The following DCLK1 variants were observed in gnomAD, a reference collection of about 807,000 sequenced individuals.
DCLK1 encodes doublecortin like kinase 1, also known as serine/threonine-protein kinase DCLK1.
A neutral mutation model predicts 86.2 loss-of-function variants in DCLK1; 16 were observed. The ratio of observed to expected loss-of-function variants is 0.19; its 90% CI spans 0.13 to 0.28. The LOEUF (loss-of-function observed/expected upper bound fraction) is 0.28, where lower values mean the gene tolerates loss of function less well. Ranked by LOEUF, DCLK1 falls within the 10% of genes least tolerant of loss-of-function variation. The pLI is 1.00. For synonymous variants in DCLK1, 369 were observed against 370.5 expected (o/e 1.00, Z 0.05); for missense variants, 590 against 940.2 (o/e 0.63, Z 4.87).
intron 3 of DCLK1, among the ~76,000 whole-genome samples, chr13:35,993,720 A>T (rs1336870871): frequency 6.6e-6 from 1 of 151,970 alleles, no homozygotes; most frequent in African/African-American, 2.4e-5. Flanking sequence ...ATTAGTTAAC[A>T]TTTTTTTGAT....
chr13:36,030,282 C>T (rs1160888723), intron 3 of DCLK1, among the ~76,000 whole-genome samples: 2 of 151,944 alleles, frequency 1.3e-5, no homozygotes, highest in Admixed American at 1.3e-4. Context: ...TGGTCTTTTG[C>T]TTTGTTTCTG....
intron 3 of DCLK1, among the ~76,000 whole-genome samples, chr13:36,009,032 G>C (rs377559255): frequency 0.025 from 2,550 of 102,826 alleles, 29 homozygotes; most frequent in South Asian, 0.049. Context: ...CTTTTGAGAA[G>C]TGTCTGTTCA....
At chr13:36,073,982 G>A (rs1329697243) in intron 3 of DCLK1, among the ~76,000 whole-genome samples, 1 of 152,018 alleles carries the variant, frequency 6.6e-6, no homozygotes, top group Non-Finnish European at 1.5e-5. Flanking sequence ...AGAAAATGTG[G>A]GTTACAGTTC....
intron 3 of DCLK1, among the ~76,000 whole-genome samples, chr13:36,092,016 A>G (rs568162569): frequency 1.2e-4 from 18 of 152,298 alleles, no homozygotes; most frequent in Middle Eastern, 6.8e-3. Context: ...CTACTTGCCA[A>G]TACCTTATAG....
chr13:35,972,442 A>G (rs1317631548), intron 3 of DCLK1, among the ~76,000 whole-genome samples: 1 of 152,048 alleles, frequency 6.6e-6, no homozygotes, highest in African/African-American at 2.4e-5. Context: ...GAAGCTCACT[A>G]CCTCAGAGCT....
intron 2 of DCLK1, among the ~76,000 whole-genome samples, chr13:36,116,879 C>T (rs995744129): frequency 6.6e-6 from 1 of 152,116 alleles, no homozygotes; most frequent in African/African-American, 2.4e-5. Flanking sequence ...AATAGAATAT[C>T]GTAAAGTACC....
chr13:35,914,368 T>C (rs1222349960), intron 4 of DCLK1, among the ~76,000 whole-genome samples: 1 of 16,700 alleles, frequency 6.0e-5, no homozygotes, highest in Admixed American at 6.7e-4. Flanking sequence ...TATATATATA[T>C]GTATATATAT....
chr13:35,987,097 G>A (rs1171339657), intron 3 of DCLK1, among the ~76,000 whole-genome samples: 2 of 152,150 alleles, frequency 1.3e-5, no homozygotes, highest in Non-Finnish European at 2.9e-5. Flanking sequence ...GAAAGGGGTG[G>A]ACAATAGAGA....
At chr13:35,802,125 C>A (rs2086932821) in intron 15 of DCLK1, among the ~76,000 whole-genome samples, 2 of 152,068 alleles carry the variant, frequency 1.3e-5, no homozygotes, top group Non-Finnish European at 2.9e-5. Context: ...GGCTGGCACA[C>A]AGTGTCTCTC....
intron 3 of DCLK1, among the ~76,000 whole-genome samples, chr13:35,954,197 G>A (rs1254051349): frequency 1.3e-5 from 2 of 151,766 alleles, no homozygotes; most frequent in Admixed American, 1.3e-4. Flanking sequence ...TACCAAAAAG[G>A]AATGCTTACA....
intron 3 of DCLK1, among the ~76,000 whole-genome samples, chr13:36,028,956 C>A (rs1391310469): frequency 6.6e-6 from 1 of 152,174 alleles, no homozygotes; most frequent in Non-Finnish European, 1.5e-5. Flanking sequence ...ACCCCTTTCC[C>A]AGAAAATTCA....
At chr13:35,879,422 A>G (rs1453737847) in intron 4 of DCLK1, among the ~76,000 whole-genome samples, 3 of 152,210 alleles carry the variant, frequency 2.0e-5, no homozygotes, top group Admixed American at 1.3e-4. Context: ...ACATCTCAAG[A>G]GTCACAGCTC....
intron 3 of DCLK1, among the ~76,000 whole-genome samples, chr13:36,082,227 C>T (rs74718472): frequency 0.01 from 1,567 of 152,258 alleles, 10 homozygotes; most frequent in Non-Finnish European, 0.018. Flanking sequence ...CCTCCTCAGC[C>T]TACTCAAGGT....
intron 7 of DCLK1, among the ~76,000 whole-genome samples, chr13:35,836,555 C>T (rs747501108): frequency 7.2e-5 from 11 of 152,210 alleles, no homozygotes; most frequent in Admixed American, 1.3e-4. Context: ...GGCTGCTTGA[C>T]ACTGTACAAG....
At chr13:35,865,545 T>C (rs1028286296) in intron 5 of DCLK1, among the ~76,000 whole-genome samples, 2 of 152,236 alleles carry the variant, frequency 1.3e-5, no homozygotes, top group African/African-American at 2.4e-5. Context: ...TTTTCTGTTA[T>C]GGAGACTAAT....
chr13:36,130,949 A>G (rs1886342889), intron 1 of DCLK1, among the ~76,000 whole-genome samples, 165 bp downstream of exon 1: 1 of 151,780 alleles, frequency 6.6e-6, no homozygotes, highest in Non-Finnish European at 1.5e-5. Flanking sequence ...CAGGCTGGCC[A>G]GGGCAGGGCG....
chr13:36,105,285 T>C (rs1272719406), intron 3 of DCLK1, among the ~76,000 whole-genome samples: 1 of 70,346 alleles, frequency 1.4e-5, no homozygotes, highest in Non-Finnish European at 4.1e-5. Flanking sequence ...TTTAAAATAG[T>C]GAGTCCCTTT....
intron 3 of DCLK1, among the ~76,000 whole-genome samples, chr13:36,068,097 C>T (rs1182994299): frequency 6.6e-6 from 1 of 152,138 alleles, no homozygotes; most frequent in African/African-American, 2.4e-5. Flanking sequence ...TTTTAAAAAT[C>T]CACAAGACAT....
chr13:35,901,421 T>C (rs1874349079), intron 4 of DCLK1, among the ~76,000 whole-genome samples: 1 of 122,476 alleles, frequency 8.2e-6, no homozygotes, highest in Non-Finnish European at 1.6e-5. Context: ...ACCCAGGAGA[T>C]GGAGGTTGCA....
Sources: allele counts gnomAD v4.1 joint callset (sites outside exome capture counted in the v4.1 genomes callset), GRCh38; gene constraint gnomAD v4.1.1; transcripts MANE v1.5; gene names NCBI Gene and HGNC (gene_info 2026-07-23, HGNC 2026-07-21).